Variants in NXPE2 observed in about 807,000 individuals in gnomAD.
NXPE2 encodes the protein NXPE family member 2.
In NXPE2, 34 loss-of-function variants were observed where a neutral mutation model predicts 34.4. The ratio of observed to expected loss-of-function variants is 0.99; its 90% CI spans 0.75 to 1.31. The LOEUF (loss-of-function observed/expected upper bound fraction) is 1.31. Among genes scored for constraint, NXPE2 ranks in the 40% most tolerant of loss-of-function variants. The probability of loss-of-function intolerance (pLI) is 0.00; values close to 1 mark genes in which losing one functional copy is unlikely to be tolerated. For synonymous variants in NXPE2, 235 were observed against 231.3 expected (o/e 1.02, Z -0.15); for missense variants, 649 against 672.5 (o/e 0.97, Z 0.39).
chr11:114,580,707 GT>G, the NXPE2 span, among the ~76,000 whole-genome samples: 33 of 152,268 alleles, frequency 2.2e-4, no homozygotes, highest in Non-Finnish European at 4.1e-4. Context: ...TTACCCCTAA[GT>G]TTGTCACACT....
chr11:114,513,899 G>A, the NXPE2 span, among the ~76,000 whole-genome samples: 8 of 151,898 alleles, frequency 5.3e-5, no homozygotes, highest in East Asian at 1.9e-4. Flanking sequence ...ATTTTGAATC[G>A]GTATCATGTG....
At chr11:114,791,524 C>T in the NXPE2 span, among the ~76,000 whole-genome samples, 5 of 152,192 alleles carry the variant, frequency 3.3e-5, no homozygotes, top group Admixed American at 6.5e-5. Flanking sequence ...AGGTCATGCC[C>T]TTTCAAGATA....
intron 2 of NXPE2, among the ~76,000 whole-genome samples, chr11:114,693,658 G>A (rs1951194885): frequency 6.6e-6 from 1 of 152,144 alleles, no homozygotes; most frequent in Non-Finnish European, 1.5e-5. Flanking sequence ...TATCATTAGA[G>A]TGTAAACAGG....
At chr11:114,753,407 A>G in the NXPE2 span, among the ~76,000 whole-genome samples, 3 of 152,154 alleles carry the variant, frequency 2.0e-5, no homozygotes, top group African/African-American at 7.2e-5. Context: ...AAAAAAATGA[A>G]GTGATATTCA....
chr11:114,516,870 C>T, the NXPE2 span, among the ~76,000 whole-genome samples: 1 of 152,128 alleles, frequency 6.6e-6, no homozygotes, highest in African/African-American at 2.4e-5. Flanking sequence ...ATATCACTTC[C>T]TCTGGGACGC....
chr11:114,756,607 A>G, the NXPE2 span, among the ~76,000 whole-genome samples: 2 of 152,154 alleles, frequency 1.3e-5, no homozygotes. Flanking sequence ...GTCACTATAA[A>G]GGTATAACAT....
At chr11:114,812,895 A>G in the NXPE2 span, among the ~76,000 whole-genome samples, 2 of 150,734 alleles carry the variant, frequency 1.3e-5, no homozygotes, top group African/African-American at 4.9e-5. Context: ...AGTAGACCTC[A>G]CACTTGAGAT....
chr11:114,535,816 C>G, the NXPE2 span, among the ~76,000 whole-genome samples: 1 of 152,134 alleles, frequency 6.6e-6, no homozygotes, highest in East Asian at 1.9e-4. Flanking sequence ...GACTTAGACT[C>G]CGACACAATA....
the NXPE2 span, among the ~76,000 whole-genome samples, chr11:114,764,242 C>T: frequency 3.3e-5 from 5 of 152,112 alleles, no homozygotes; most frequent in Non-Finnish European, 5.9e-5. Flanking sequence ...AATTTAAGGA[C>T]AGTTGGGAAT....
At chr11:114,759,106 A>G in the NXPE2 span, among the ~76,000 whole-genome samples, 1 of 151,304 alleles carries the variant, frequency 6.6e-6, no homozygotes, top group Non-Finnish European at 1.5e-5. Flanking sequence ...ACACACACAC[A>G]CTCTCTCTCT....
the NXPE2 span, among the ~76,000 whole-genome samples, chr11:114,624,361 A>G: frequency 1.3e-5 from 2 of 151,740 alleles, no homozygotes; most frequent in Non-Finnish European, 2.9e-5. Flanking sequence ...TTATTGCCCC[A>G]GGGTAACCAC....
chr11:114,683,352 A>G (rs947079364), intron 2 of NXPE2, among the ~76,000 whole-genome samples: 2 of 151,264 alleles, frequency 1.3e-5, no homozygotes, highest in African/African-American at 2.4e-5. Flanking sequence ...ATAATATATG[A>G]TTTACTCATT....
At chr11:114,580,132 T>C in the NXPE2 span, 2 of 1,612,014 alleles carry the variant, frequency 1.2e-6, no homozygotes, top group Non-Finnish European at 1.7e-6. Context: ...TGAGGCATAC[T>C]GTTGATACTG....
chr11:114,667,407 G>C, the NXPE2 span, among the ~76,000 whole-genome samples: 6 of 152,214 alleles, frequency 3.9e-5, no homozygotes, highest in African/African-American at 1.4e-4. Flanking sequence ...TTCAGTTAGA[G>C]ATTATCCATT....
chr11:114,742,600 T>C, the NXPE2 span, among the ~76,000 whole-genome samples: 1 of 145,092 alleles, frequency 6.9e-6, no homozygotes, highest in African/African-American at 2.6e-5. Context: ...TCTTACTTTC[T>C]TCAATGTGTT....
chr11:114,639,746 TAA>T, the NXPE2 span, among the ~76,000 whole-genome samples: 4 of 129,010 alleles, frequency 3.1e-5, no homozygotes, highest in African/African-American at 1.2e-4. Flanking sequence ...AAATAATATA[TAA>T]TATATATTAT....
rs1951461326 is a variant in NXPE2 at position 114,705,831 on chromosome 11, C to T, written c.979C>T (p.Pro327Ser). The T allele has an allele frequency of 6.5e-7, 1 of 1,538,052 alleles. No individual in the cohort carries two copies. Among genetic ancestry groups the T allele is most frequent in the Non-Finnish European group, 8.8e-7 (1 of 1,141,312 alleles). The change falls in exon 5 of 6, where the codon CCC becomes TCC. Residue 327 changes from proline to serine, a missense_variant. Pro to Ser is a moderately conservative substitution (Grantham distance 74). Transcript: ENST00000389586. ...NCQIGMKTPFPSGYTLKKMWI... is the reference protein window; with the variant it reads ...NCQIGMKTPFSSGYTLKKMWI... ...CCAGATTGGAATGAAGACTCCTTTC[C>T]CCAGTGGTTATACTTTGAAAAAAAT...
chr11:114,494,374 T>C, the NXPE2 span, among the ~76,000 whole-genome samples: 1 of 152,150 alleles, frequency 6.6e-6, no homozygotes, highest in Non-Finnish European at 1.5e-5. Flanking sequence ...GTAGGCTTAC[T>C]TTCTTCTTTT....
the NXPE2 span, among the ~76,000 whole-genome samples, chr11:114,765,088 T>C: frequency 6.6e-6 from 1 of 152,196 alleles, no homozygotes; most frequent in African/African-American, 2.4e-5. Flanking sequence ...CCAATCTCTG[T>C]ATCTCAGAAA....
Sources: gnomAD v4.1 joint callset for allele counts (sites outside exome capture counted in the v4.1 genomes callset) on GRCh38, gnomAD v4.1.1 for gene constraint, MANE v1.5 for transcripts, NCBI Gene and HGNC (gene_info 2026-07-23, HGNC 2026-07-21) for gene names.